MFN1: variants seen among roughly 807,000 people sequenced by gnomAD.
MFN1 encodes the protein mitofusin-1.
MFN1 carries 65 observed loss-of-function variants against 92.4 expected under a neutral mutation model. That is an observed-to-expected ratio of 0.70 (90% CI 0.58 to 0.86). The LOEUF (loss-of-function observed/expected upper bound fraction) is 0.86. Among genes scored for constraint, MFN1 ranks in the 40% least tolerant of loss-of-function variants. The pLI, the probability that MFN1 is intolerant of heterozygous loss-of-function variation, is 0.00. For missense variants in MFN1, 781 were observed against 868.0 expected, an observed-to-expected ratio of 0.90 and a Z score of 1.26; for synonymous variants, 297 against 300.9, an observed-to-expected ratio of 0.99 and a Z score of 0.13.
intron 14 of MFN1, among the ~76,000 whole-genome samples, chr3:179,380,975 C>T (rs112532597): frequency 2.2e-4 from 34 of 152,228 alleles, no homozygotes; most frequent in African/African-American, 3.1e-4. Flanking sequence ...AGAGTCCATC[C>T]GTAAGCTGGA....
intron 14 of MFN1, among the ~76,000 whole-genome samples, chr3:179,379,566 C>T (rs1196951145): frequency 6.6e-6 from 1 of 152,132 alleles, no homozygotes; most frequent in Non-Finnish European, 1.5e-5. Context: ...GTTGGCCAGA[C>T]TGGTCTCGAA....
intron 12 of MFN1, among the ~76,000 whole-genome samples, chr3:179,377,906 C>CA (rs565575694): frequency 9.4e-4 from 139 of 148,396 alleles, no homozygotes; most frequent in African/African-American, 1.4e-3. Context: ...ACTAAAAATA[C>CA]AAAAAAAAAA....
intron 11 of MFN1, 67 bp downstream of exon 11, chr3:179,377,235 G>A: frequency 6.5e-7 from 1 of 1,544,576 alleles, no homozygotes; most frequent in South Asian, 1.2e-5. Context: ...TGCTAAAAAT[G>A]TTATTCCTGT....
At chr3:179,374,163 C>A (rs1431166085) in intron 9 of MFN1, among the ~76,000 whole-genome samples, 1 of 150,990 alleles carries the variant, frequency 6.6e-6, no homozygotes, top group Non-Finnish European at 1.5e-5. Context: ...ATTAGCCAGG[C>A]ATAGTGGTGC....
chr3:179,367,521 G>T lies in MFN1; in HGVS notation c.836G>T (p.Arg279Leu). 1 of 1,613,648 alleles carries T rather than the reference G, an allele frequency of 6.2e-7. No homozygotes were observed. The highest frequency in any genetic ancestry group is 1.7e-5 in the Admixed American group (1 of 59,978). Residue 279 changes from arginine (R) to leucine (L), a missense_variant, in exon 8 of 18, where the codon CGT (arginine) becomes CTT (leucine). Arg to Leu is a moderately radical substitution (Grantham distance 102). Transcript: ENST00000471841. ...KVVNALEAQN[R>L]IFFVSAKEVL... ...GTAAATGCTTTAGAAGCACAGAATCGTATCTTCTTTGTTTCAGCAAAGGAA... is the reference window on the plus strand; with the variant it reads ...GTAAATGCTTTAGAAGCACAGAATCTTATCTTCTTTGTTTCAGCAAAGGAA...
chr3:179,384,967 G>A lies in MFN1; in HGVS notation c.1663-602G>A, dbSNP rs377368122. ...GTTGTCCAGACTGGAGTGCAGTGGT[G>A]CAATCTCGGCTCACTGCAAGCTCTG... is the stretch of plus-strand genomic sequence containing the variant. On this transcript the variant is annotated intron_variant, in intron 14 of 17. Coordinates refer to ENST00000471841, the MANE Select transcript of MFN1 (RefSeq NM_033540.3). Among the ~76,000 whole-genome samples, 77 of 137,822 alleles carry A rather than the reference G, an allele frequency of 5.6e-4. 2 individuals are homozygous for A. Among genetic ancestry groups the A allele is most frequent in the African/African-American group, 1.8e-3 (66 of 36,484 alleles). The allele number at this position is 137,822 out of a possible 152,430, so 90.4% of individuals were successfully genotyped here. A position where few individuals can be genotyped will look rare whatever the true frequency, so the allele number is the denominator to read the frequency against.
intron 14 of MFN1, among the ~76,000 whole-genome samples, chr3:179,384,015 G>A (rs1430997860): frequency 6.6e-6 from 1 of 152,092 alleles, no homozygotes; most frequent in Admixed American, 6.5e-5. Flanking sequence ...CCACTAATCT[G>A]CCTTCTGTTT....
At chr3:179,388,927 G>T (rs2108560985) in intron 16 of MFN1, among the ~76,000 whole-genome samples, 1 of 152,342 alleles carries the variant, frequency 6.6e-6, no homozygotes, top group South Asian at 2.1e-4. Flanking sequence ...GTCTGTATGT[G>T]TAGATTGGGG....
At chr3:179,355,150 A>T (rs1473110412) in intron 3 of MFN1, among the ~76,000 whole-genome samples, 1 of 152,088 alleles carries the variant, frequency 6.6e-6, no homozygotes, top group African/African-American at 2.4e-5. Flanking sequence ...TTGCCATGGC[A>T]TCTAAACTGT....
chr3:179,385,533 G>A (rs1221132175), intron 14 of MFN1, 36 bp from the exon 15 acceptor site: 4 of 1,542,782 alleles, frequency 2.6e-6, no homozygotes, highest in African/African-American at 1.5e-5. Context: ...AGTTGTTTAA[G>A]TGTAATCTTT....
chr3:179,382,611 A>G (rs1215027055), intron 14 of MFN1, among the ~76,000 whole-genome samples: 5 of 152,272 alleles, frequency 3.3e-5, no homozygotes, highest in Non-Finnish European at 7.4e-5. Flanking sequence ...TGGGTCAGAT[A>G]GTATTTCTAG....
At chr3:179,364,917 A>T (rs1188496840) in intron 6 of MFN1, among the ~76,000 whole-genome samples, 6 of 152,230 alleles carry the variant, frequency 3.9e-5, no homozygotes, top group Non-Finnish European at 8.8e-5. Context: ...AGGTAATCTA[A>T]TATTCAAAAT....
At chr3:179,368,753 A>G (rs200019092) in intron 9 of MFN1, among the ~76,000 whole-genome samples, 1 of 152,198 alleles carries the variant, frequency 6.6e-6, no homozygotes, top group East Asian at 1.9e-4. Flanking sequence ...CTCACCCTAC[A>G]TTTGACTGAA....
In MFN1 at chr3:179,378,725, T is replaced by C; in HGVS notation, c.1573T>C (p.Ser525Pro). 1 of 1,614,082 alleles carries C rather than the reference T, an allele frequency of 6.2e-7. No homozygotes were observed. ...DFQEDIVFRF[S>P]LGWSSLVHRF... The stretch of plus-strand genomic sequence containing the variant: ...TCAAGAGGATATTGTATTTCGTTTT[T>C]CCCTGGGCTGGTCTTCCCTTGTACA... The change falls in exon 14 of 18, where the codon TCC (serine) becomes CCC (proline). Residue 525 changes from serine (S) to proline (P), a missense_variant. Physicochemically the swap from Ser to Pro is moderately conservative, Grantham distance 74. Coordinates refer to ENST00000471841, the MANE Select transcript of MFN1 (RefSeq NM_033540.3).
intron 3 of MFN1, among the ~76,000 whole-genome samples, chr3:179,355,922 A>G (rs1310584184): frequency 5.3e-5 from 8 of 152,210 alleles, no homozygotes; most frequent in Admixed American, 5.2e-4. Flanking sequence ...ACTGCACTCC[A>G]GCCTGGGCCA....
rs546641298 is a variant in MFN1 at position 179,375,847 on chromosome 3, T to G, written c.1097+506T>G. ...GTAAGCAGTACCCTTTATGTTATAC[T>G]GTACGGCATTATTTTATACTATTTG... On this transcript the variant is annotated intron_variant, in intron 10 of 17. Coordinates refer to ENST00000471841, the MANE Select transcript of MFN1 (RefSeq NM_033540.3). Among the ~76,000 whole-genome samples the G allele has an allele frequency of 8.5e-5, 13 of 152,238 alleles. No individual in the cohort carries two copies. The South Asian group carries it at 2.7e-3, about 31-fold the overall frequency.
At chr3:179,353,511 T>C (rs1369003278) in intron 3 of MFN1, among the ~76,000 whole-genome samples, 1 of 152,130 alleles carries the variant, frequency 6.6e-6, no homozygotes, top group Non-Finnish European at 1.5e-5. Flanking sequence ...CCTGGCTAAT[T>C]TAGAGGTGAT....
chr3:179,375,203 G>T lies in MFN1; in HGVS notation c.976-17G>T. The T allele has an allele frequency of 6.2e-7, 1 of 1,605,424 alleles. No individual in the cohort carries two copies. The highest frequency in any genetic ancestry group is 2.2e-5 in the East Asian group (1 of 44,632). On this transcript the variant is annotated splice_polypyrimidine_tract_variant and intron_variant, in intron 9 of 17. Coordinates refer to ENST00000471841, the MANE Select transcript of MFN1 (RefSeq NM_033540.3). The stretch of plus-strand genomic sequence containing the variant: ...GATGGAATTACAGTAATGTGTTACG[G>T]CTTGGGCCCCTCGCAGGAGTGTATC...
intron 16 of MFN1, among the ~76,000 whole-genome samples, chr3:179,387,002 G>A (rs758784970): frequency 4.0e-5 from 6 of 151,886 alleles, no homozygotes; most frequent in African/African-American, 7.3e-5. Flanking sequence ...CTGCAGCCTC[G>A]AATCTTGGGC....
Sources: allele counts gnomAD v4.1 joint callset (sites outside exome capture counted in the v4.1 genomes callset), GRCh38; gene constraint gnomAD v4.1.1; transcripts MANE v1.5; gene names NCBI Gene and HGNC (gene_info 2026-07-23, HGNC 2026-07-21).